MTSS2: variants seen among roughly 807,000 people sequenced by gnomAD.
MTSS2 encodes protein MTSS 2.
In MTSS2, 27 loss-of-function variants were observed where a neutral mutation model predicts 67.1. That is an observed-to-expected ratio of 0.40 (90% CI 0.30 to 0.55). The LOEUF is 0.55. Ranked by LOEUF, MTSS2 falls within the 20% of genes least tolerant of loss-of-function variation. MTSS2 has a pLI of 0.43. For missense variants in MTSS2, 1,171 were observed against 1,067.8 expected (o/e 1.10, Z -1.35); for synonymous variants, 624 against 468.6 (o/e 1.33, Z -4.28).
intron 3 of MTSS2, 36 bp downstream of exon 3, chr16:70,680,758 G>C: frequency 6.5e-7 from 1 of 1,542,846 alleles, no homozygotes; most frequent in African/African-American, 1.4e-5. Context: ...GGCCCACCCT[G>C]GGGCAACCCC....
chr16:70,663,808 C>G lies in MTSS2; in HGVS notation c.2113G>C (p.Glu705Gln). 2 of 1,529,212 alleles carry G rather than the reference C, an allele frequency of 1.3e-6. No individual in the cohort carries two copies. The highest frequency in any genetic ancestry group is 1.8e-6 in the Non-Finnish European group (2 of 1,141,032). 94.7% of individuals were successfully genotyped at this position (1,529,212 alleles called of 1,614,324 possible). A position where few individuals can be genotyped will look rare whatever the true frequency, so the allele number is the denominator to read the frequency against. Residue 705 changes from glutamate to glutamine, a missense_variant, in exon 15 of 15, where the codon GAG becomes CAG. By Grantham distance (29) the Glu-to-Gln change is conservative (BLOSUM62 2). This residue lies in a region of MTSS2 where 924 missense variants were observed against 756.0 expected (regional missense o/e 1.22). Coordinates refer to ENST00000338779, the MANE Select transcript of MTSS2 (RefSeq NM_138383.3). ...GCTGGGGGTGGGGTGGGCGTCTCCT[C>G]CGTGGGGGTGGCCGACAGAGCAGTG... ...FPTALSATPT[E>Q]ETPTPPPAAT...
At chr16:70,681,159 A>G (rs2053294358) in intron 1 of MTSS2, 134 bp from the exon 2 acceptor site, 11 of 781,180 alleles carry the variant, frequency 1.4e-5, no homozygotes, top group Non-Finnish European at 2.2e-5. Flanking sequence ...ATGGAGAGGG[A>G]GGCTCTGGGT....
rs371122209 is a variant in MTSS2 at position 70,664,430 on chromosome 16, G to A, written c.1491C>T (p.Tyr497=). The A allele has an allele frequency of 9.4e-5, 145 of 1,541,510 alleles. No individual in the cohort carries two copies. The highest frequency in any genetic ancestry group is 1.2e-4 in the Non-Finnish European group (142 of 1,146,778). The change falls in exon 15 of 15, where the codon TAC becomes TAT. Residue 497 remains tyrosine (Y), a synonymous_variant. Coordinates refer to ENST00000338779, the MANE Select transcript of MTSS2 (RefSeq NM_138383.3). ...CGCTGTCCGCATCCCCATTCACGGA[G>A]TAGCAGTCGTAGTCGGAGCCTGGGG... ...IPSQGSDYDC[Y]SVNGDADSEG... is the part of the protein sequence containing the mutation.
At position 70,663,734 on chromosome 16, in the gene MTSS2, A is replaced by G; in HGVS notation, c.2187T>C (p.Arg729=). 6.3e-7 allele frequency: 1 copy of G among 1,578,494 alleles called. No individual in the cohort carries two copies. Among genetic ancestry groups the G allele is most frequent in the Non-Finnish European group, 8.6e-7 (1 of 1,164,802 alleles). The change falls in exon 15 of 15, where the codon CGT becomes CGC. Residue 729 remains arginine, a synonymous_variant. Coordinates refer to ENST00000338779, the MANE Select transcript of MTSS2 (RefSeq NM_138383.3). The part of the protein sequence containing the change: ...PAEDMLVAIR[R]GVRLRRTVTN... ...TGACGGTCCTGCGGAGCCGGACCCC[A>G]CGCCGGATGGCCACCAGCATGTCTT...
At position 70,677,776 on chromosome 16, in the gene MTSS2, C is replaced by A; in HGVS notation, c.732+16G>T. 8.1e-6 allele frequency: 13 copies of A among 1,596,476 alleles called. No homozygotes were observed. The highest frequency in any genetic ancestry group is 1.0e-5 in the Non-Finnish European group (12 of 1,171,744). On this transcript the variant is annotated intron_variant, in intron 9 of 14. Coordinates refer to ENST00000338779, the MANE Select transcript of MTSS2 (RefSeq NM_138383.3). ...CCTGCCCCTGGCCCTGGCCCTTGGCCAGAGGGCTCCCGCACCTGCTCGCTG... is the reference window on the plus strand; with the variant it reads ...CCTGCCCCTGGCCCTGGCCCTTGGCAAGAGGGCTCCCGCACCTGCTCGCTG...
rs1385469833 is a variant in MTSS2, at chr16:70,661,236, A to AAT, written c.*2439_*2440dup. 1 of 455,654 alleles carries AAT rather than the reference A, an allele frequency of 2.2e-6. No individual in the cohort carries two copies. The highest frequency in any genetic ancestry group is 2.0e-5 in the African/African-American group (1 of 49,900). The allele number at this position is 455,654 out of a possible 1,614,324, so 28.2% of individuals were successfully genotyped here. On this transcript the variant is annotated 3_prime_UTR_variant, in exon 15 of 15. Transcript: ENST00000338779. The stretch of plus-strand genomic sequence containing the variant: ...TACAGTACACCTTTATTAATACTGG[A>AAT]ATCTTCACAGTGCATCTGTTACTTG...
At position 70,664,240 on chromosome 16, in the gene MTSS2, C is replaced by A; in HGVS notation, c.1681G>T (p.Val561Leu). ...TGLPSGAPPG[V>L]ATIRRTPSTK... ...GAGGGTGTGCGGCGGATGGTGGCCACGCCGGGGGGTGCGCCCGAGGGCAGG... is the reference window on the plus strand; with the variant it reads ...GAGGGTGTGCGGCGGATGGTGGCCAAGCCGGGGGGTGCGCCCGAGGGCAGG... The change falls in exon 15 of 15, where the codon GTG (valine) becomes TTG (leucine). Residue 561 changes from valine to leucine, a missense_variant. Val to Leu is a conservative substitution (Grantham distance 32). Transcript: ENST00000338779. The A allele has an allele frequency of 6.4e-7, 1 of 1,565,922 alleles. No individual in the cohort carries two copies.
chr16:70,667,088 A>G (rs2052741837), intron 11 of MTSS2, among the ~76,000 whole-genome samples: 1 of 152,010 alleles, frequency 6.6e-6, no homozygotes, highest in Non-Finnish European at 1.5e-5. Context: ...CCAGCCTAAC[A>G]TAGTGAGACC....
rs370346555 is a variant in MTSS2, at chr16:70,663,673, G to A, written c.*4C>T. The A allele has an allele frequency of 4.7e-5, 74 of 1,568,266 alleles. 1 individual carries two copies. The South Asian group carries it at 5.3e-4, about 11-fold the overall frequency. ...GGCCTGAGAGGATGGGGAGGGTGGC[G>A]CCATCATAAGATGCGGGGCGCCGAC... On this transcript the variant is annotated 3_prime_UTR_variant, in exon 15 of 15. Coordinates refer to ENST00000338779, the MANE Select transcript of MTSS2 (RefSeq NM_138383.3).
intron 11 of MTSS2, among the ~76,000 whole-genome samples, chr16:70,673,963 A>G (rs1197610709): frequency 2.0e-5 from 3 of 152,188 alleles, no homozygotes; most frequent in Non-Finnish European, 2.9e-5. Context: ...ATTCAGGACA[A>G]ATAGAAAGAA....
rs11862112 is a variant in MTSS2, at chr16:70,681,175, C to T, written c.70-150G>A. ...TGGAGAGGGAGGCTCTGGGTCCTCT[C>T]GGAGGGCAGAGGACCAAGGACAGAG... On this transcript the variant is annotated intron_variant, in intron 1 of 14. Transcript: ENST00000338779. 7.7e-3 allele frequency: 5,551 copies of T among 719,550 alleles called. 201 individuals carry two copies. The African/African-American group carries it at 0.079, about 10-fold the overall frequency. 44.6% of individuals were successfully genotyped at this position (719,550 alleles called of 1,614,324 possible). A position where few individuals can be genotyped will look rare whatever the true frequency, so the allele number is the denominator to read the frequency against.
chr16:70,664,583 GC>G lies in MTSS2; in HGVS notation c.1471+14del. 6.2e-7 allele frequency: 1 copy of G among 1,609,750 alleles called. No homozygotes were observed. The highest frequency in any genetic ancestry group is 1.3e-5 in the African/African-American group (1 of 74,956). On this transcript the variant is annotated intron_variant, in intron 14 of 14. Coordinates refer to ENST00000338779, the MANE Select transcript of MTSS2 (RefSeq NM_138383.3). The stretch of plus-strand genomic sequence containing the variant: ...CCCAGCTGTCCCTGGTCCCACCCCA[GC>G]CCCGCGGGCCTGCCTTGGGAGGGGA...
rs1241555467 is a variant in MTSS2 at position 70,680,048 on chromosome 16, C to G, written c.213G>C (p.Thr71=). Residue 71 remains threonine (T), a synonymous_variant, in exon 4 of 15, where the codon ACG becomes ACC. Coordinates refer to ENST00000338779, the MANE Select transcript of MTSS2 (RefSeq NM_138383.3). Reference sequence around the variant, plus strand: ...GTGTGAGCGCCGAGCCGATGTCCCTCGTGGCCCCTGGCGAGGCAAGCGCGG... The same window carrying G: ...GTGTGAGCGCCGAGCCGATGTCCCTGGTGGCCCCTGGCGAGGCAAGCGCGG... ...ADMATNTRGA[T]RDIGSALTRM... 1.3e-6 allele frequency: 2 copies of G among 1,526,248 alleles called. No individual in the cohort carries two copies. Among genetic ancestry groups the G allele is most frequent in the African/African-American group, 2.9e-5 (2 of 70,010 alleles). 94.5% of individuals were successfully genotyped at this position (1,526,248 alleles called of 1,614,324 possible).
At chr16:70,682,140 G>C (rs780059123) in intron 1 of MTSS2, among the ~76,000 whole-genome samples, 5 of 152,174 alleles carry the variant, frequency 3.3e-5, no homozygotes, top group Non-Finnish European at 5.9e-5. Context: ...GGCGGCTTAG[G>C]GGGCCTCAGA....
intron 11 of MTSS2, among the ~76,000 whole-genome samples, chr16:70,671,894 C>G (rs906351631): frequency 2.0e-5 from 3 of 152,204 alleles, no homozygotes; most frequent in Non-Finnish European, 4.4e-5. Context: ...GCTTCTAATT[C>G]TGAATGAAAA....
chr16:70,672,484 T>C (rs899875690), intron 11 of MTSS2, among the ~76,000 whole-genome samples: 1 of 151,864 alleles, frequency 6.6e-6, no homozygotes, highest in East Asian at 1.9e-4. Context: ...CTTAGTATTA[T>C]ACCAGTGTTA....
At position 70,661,425 on chromosome 16, in the gene MTSS2, G is replaced by C. The variant is rs1157270243; in HGVS notation, c.*2252C>G. ...GTAGGAACCAGGAGGGCTGCCTGGG[G>C]TGGGGGAATAAATTAAAAAAAGGAA... On this transcript the variant is annotated 3_prime_UTR_variant, in exon 15 of 15. Coordinates refer to ENST00000338779, the MANE Select transcript of MTSS2 (RefSeq NM_138383.3). The C allele has an allele frequency of 2.8e-6, 1 of 360,404 alleles. No individual in the cohort carries two copies. Among genetic ancestry groups the C allele is most frequent in the Non-Finnish European group, 5.5e-6 (1 of 182,938 alleles). The allele number at this position is 360,404 out of a possible 1,614,324, so 22.3% of individuals were successfully genotyped here.
chr16:70,667,101 T>C (rs1367393053), intron 11 of MTSS2, among the ~76,000 whole-genome samples: 1 of 151,918 alleles, frequency 6.6e-6, no homozygotes, highest in Non-Finnish European at 1.5e-5. Context: ...GTGAGACCCC[T>C]GACTCTACAA....
At chr16:70,685,265 G>A (rs961190282) in intron 1 of MTSS2, among the ~76,000 whole-genome samples, 4 of 152,196 alleles carry the variant, frequency 2.6e-5, no homozygotes, top group Non-Finnish European at 5.9e-5. Context: ...GGTCGGCGGG[G>A]AAGGAGTTAA....
Sources: allele counts gnomAD v4.1 joint callset (sites outside exome capture counted in the v4.1 genomes callset), GRCh38; gene constraint gnomAD v4.1.1; regional missense constraint gnomAD v4.1.1; transcripts MANE v1.5; gene names NCBI Gene and HGNC (gene_info 2026-07-23, HGNC 2026-07-21).